Variants in CFAP61 observed in about 807,000 individuals in gnomAD.
CFAP61 encodes cilia- and flagella-associated protein 61.
CFAP61 carries 107 observed loss-of-function variants against 135.6 expected under a neutral mutation model. The observed-to-expected ratio is 0.79, with a 90% CI of 0.67 to 0.93. The LOEUF (loss-of-function observed/expected upper bound fraction) is 0.93. Among genes scored for constraint, CFAP61 ranks in the 40% least tolerant of loss-of-function variants. CFAP61 has a pLI of 0.00. For missense variants in CFAP61, 1,507 were observed against 1,556.2 expected, an observed-to-expected ratio of 0.97 and a Z score of 0.53; for synonymous variants, 575 against 578.5, an observed-to-expected ratio of 0.99 and a Z score of 0.09.
In CFAP61 at chr20:20,308,366, G is replaced by A. The variant is rs369806907; in HGVS notation, c.3422+9980G>A. ...GAGACAGAGGAAGTGATTTCTCTCT[G>A]TGCCTGTTTTGGTGGGGTCAATTAG... On this transcript the variant is annotated intron_variant, in intron 25 of 26. Coordinates refer to ENST00000245957, the MANE Select transcript of CFAP61 (RefSeq NM_015585.4). Among the ~76,000 whole-genome samples, 29 of 151,604 alleles carry A rather than the reference G, an allele frequency of 1.9e-4. 1 individual carries two copies. The highest frequency in any genetic ancestry group is 1.5e-3 in the East Asian group (8 of 5,174).
At chr20:20,175,014 G>A (rs181281563) in intron 13 of CFAP61, among the ~76,000 whole-genome samples, 1 of 152,188 alleles carries the variant, frequency 6.6e-6, no homozygotes, top group African/African-American at 2.4e-5. Context: ...TCAGCCAGGG[G>A]TGCAAGAGGA....
At chr20:20,221,567 T>C (rs747034215) in intron 17 of CFAP61, among the ~76,000 whole-genome samples, 1 of 152,222 alleles carries the variant, frequency 6.6e-6, no homozygotes. Context: ...ATATAAGTCT[T>C]AGTGCTTTGA....
chr20:20,125,195 A>G lies in CFAP61; in HGVS notation c.860-17662A>G, dbSNP rs546652568. ...TCTTATTGTTTCATTTATCTTTTGTATTTTTTTTGTTTCAATTTCATTTAG... is the reference window on the plus strand; with the variant it reads ...TCTTATTGTTTCATTTATCTTTTGTGTTTTTTTTGTTTCAATTTCATTTAG... On this transcript the variant is annotated intron_variant, in intron 8 of 26. Coordinates refer to ENST00000245957, the MANE Select transcript of CFAP61 (RefSeq NM_015585.4). Among the ~76,000 whole-genome samples the G allele has an allele frequency of 4.0e-5, 6 of 150,902 alleles. No homozygotes were observed. In the East Asian group the frequency reaches 1.2e-3, roughly 29 times the overall value.
chr20:20,060,846 T>C (rs1164220975), intron 2 of CFAP61, among the ~76,000 whole-genome samples: 1 of 152,248 alleles, frequency 6.6e-6, no homozygotes, highest in African/African-American at 2.4e-5. Flanking sequence ...TGTTTCCCTG[T>C]GGGTGCTTCA....
In CFAP61 at chr20:20,356,128, G is replaced by T. The variant is rs1409172637; in HGVS notation, c.3514-4082G>T. Among the ~76,000 whole-genome samples the T allele has an allele frequency of 2.6e-3, 265 of 101,968 alleles. 9 individuals carry two copies. Among genetic ancestry groups the T allele is most frequent in the African/African-American group, 9.4e-3 (258 of 27,372 alleles). The allele number at this position is 101,968 out of a possible 152,430, so 66.9% of individuals were successfully genotyped here. ...GAGGTGGTCACACTGAGGGGAGGTA[G>T]TCACACTGAGAGGAGGTGGTCACAC... is the stretch of plus-strand genomic sequence containing the variant. On this transcript the variant is annotated intron_variant, in intron 26 of 26. Transcript: ENST00000245957.
At position 20,293,807 on chromosome 20, in the gene CFAP61, G is replaced by A. The variant is rs1483423532; in HGVS notation, c.3216+3416G>A. Among the ~76,000 whole-genome samples, 4 of 152,264 alleles carry A rather than the reference G, an allele frequency of 2.6e-5. No individual in the cohort carries two copies. The East Asian group carries it at 7.7e-4, about 29-fold the overall frequency. On this transcript the variant is annotated intron_variant, in intron 24 of 26. Transcript: ENST00000245957. ...ATGCTTTGTTGGCGTATATACCATG[G>A]AAGAAAGAAATTTGTCACAACAAAT... is the stretch of plus-strand genomic sequence containing the variant.
intron 6 of CFAP61, chr20:20,085,410 C>T: frequency 7.3e-7 from 1 of 1,361,230 alleles, no homozygotes; most frequent in East Asian, 4.6e-5. Context: ...TATCAATTAC[C>T]CCAAGGAATG....
At chr20:20,346,180 T>C (rs62200212) in intron 26 of CFAP61, among the ~76,000 whole-genome samples, 127,965 of 138,468 alleles carry the variant, frequency 0.92, 59,971 homozygotes, top group East Asian at 1. Flanking sequence ...GGATTACAGG[T>C]GTGAGCCACC....
chr20:20,054,375 A>G (rs891204793), intron 1 of CFAP61, among the ~76,000 whole-genome samples: 1 of 151,678 alleles, frequency 6.6e-6, no homozygotes, highest in African/African-American at 2.4e-5. Context: ...ACTATTTTGT[A>G]TGGACTGTGA....
intron 8 of CFAP61, among the ~76,000 whole-genome samples, chr20:20,118,161 T>C (rs1376503740): frequency 2.6e-5 from 4 of 152,180 alleles, no homozygotes; most frequent in African/African-American, 4.8e-5. Context: ...TGTCTTGTTC[T>C]AGATCTTAGA....
intron 18 of CFAP61, among the ~76,000 whole-genome samples, chr20:20,236,754 A>G (rs529867735): frequency 6.6e-6 from 1 of 152,298 alleles, no homozygotes; most frequent in East Asian, 1.9e-4. Context: ...ACCAGAAGTG[A>G]TCCCACTGGA....
chr20:20,355,817 GCA>G (rs1228803048), intron 26 of CFAP61, among the ~76,000 whole-genome samples: 23 of 143,118 alleles, frequency 1.6e-4, no homozygotes, highest in East Asian at 8.5e-4. Flanking sequence ...GACACTGTGA[GCA>G]GAGATGGTCA....
chr20:20,141,145 T>C (rs187806939), intron 8 of CFAP61, among the ~76,000 whole-genome samples: 1 of 152,280 alleles, frequency 6.6e-6, no homozygotes, highest in Admixed American at 6.5e-5. Flanking sequence ...GGTCTTGAAC[T>C]CCTGACCTCA....
intron 8 of CFAP61, among the ~76,000 whole-genome samples, chr20:20,135,056 G>C (rs2050816565): frequency 1.3e-5 from 2 of 151,784 alleles, no homozygotes; most frequent in African/African-American, 4.8e-5. Context: ...TGCCCTAAAT[G>C]CTATCACAGG....
At chr20:20,184,066 G>A (rs77566178) in intron 13 of CFAP61, among the ~76,000 whole-genome samples, 1 of 152,298 alleles carries the variant, frequency 6.6e-6, no homozygotes, top group East Asian at 1.9e-4. Flanking sequence ...ATGTCCTACT[G>A]AACATTTATT....
chr20:20,285,215 T>C (rs2054492880), intron 22 of CFAP61, among the ~76,000 whole-genome samples: 1 of 152,064 alleles, frequency 6.6e-6, no homozygotes, highest in Admixed American at 6.5e-5. Context: ...TTGCTCTTTA[T>C]CCTTGGTTTT....
chr20:20,204,086 A>C (rs909048698), intron 17 of CFAP61, among the ~76,000 whole-genome samples: 1 of 152,040 alleles, frequency 6.6e-6, no homozygotes, highest in African/African-American at 2.4e-5. Context: ...GCTCCCCATC[A>C]TCCACTTCAG....
chr20:20,168,751 C>T (rs950522711), intron 12 of CFAP61, among the ~76,000 whole-genome samples: 18 of 152,188 alleles, frequency 1.2e-4, no homozygotes, highest in African/African-American at 4.1e-4. Context: ...ACATGCAAGA[C>T]CTCTTATGTC....
intron 8 of CFAP61, among the ~76,000 whole-genome samples, chr20:20,112,267 C>T (rs369540514): frequency 3.3e-5 from 5 of 152,178 alleles, no homozygotes; most frequent in African/African-American, 1.2e-4. Context: ...CAAAGCAATA[C>T]CAGCACACAT....
Sources: gnomAD v4.1 joint callset for allele counts (sites outside exome capture counted in the v4.1 genomes callset) on GRCh38, gnomAD v4.1.1 for gene constraint, MANE v1.5 for transcripts, NCBI Gene and HGNC (gene_info 2026-07-23, HGNC 2026-07-21) for gene names.